ADAM8: variants seen among roughly 807,000 people sequenced by gnomAD.
The protein encoded by ADAM8 is ADAM metallopeptidase domain 8, also known as disintegrin and metalloproteinase domain-containing protein 8.
In ADAM8, 104 loss-of-function variants were observed where a neutral mutation model predicts 102.4. That is an observed-to-expected ratio of 1.02 (90% confidence interval 0.87 to 1.20). The LOEUF is 1.20. Ranked by LOEUF, ADAM8 falls within the 50% of genes most tolerant of loss-of-function variation. The probability of loss-of-function intolerance (pLI) is 0.00; values close to 1 mark genes in which losing one functional copy is unlikely to be tolerated. For synonymous variants in ADAM8, 517 were observed against 485.2 expected, an observed-to-expected ratio of 1.07 and a Z score of -0.86; for missense variants, 1,132 against 1,159.0, an observed-to-expected ratio of 0.98 and a Z score of 0.34.
Position 133,263,682 on chromosome 10 carries a change from CCT to C in ADAM8, c.2397+4_2397+5del, listed in dbSNP as rs769614277. 1.9e-4 allele frequency: 228 copies of C among 1,224,750 alleles called. No individual in the cohort carries two copies. The highest frequency in any genetic ancestry group is 2.1e-4 in the Non-Finnish European group (202 of 957,832). The allele number at this position is 1,224,750 out of a possible 1,614,324, so 75.9% of individuals were successfully genotyped here. Reference sequence around the variant, plus strand: ...GGACTCTGCCTGGTGTGTGCTGGGGCCTCACCTCAGCTGGACCAGGGTTGGCC... The same window carrying C: ...GGACTCTGCCTGGTGTGTGCTGGGGCCACCTCAGCTGGACCAGGGTTGGCC... On this transcript the variant is annotated splice_donor_5th_base_variant and intron_variant, in intron 22 of 22. Transcript: ENST00000445355.
chr10:133,276,496 T>C (rs1207351262), intron 1 of ADAM8, among the ~76,000 whole-genome samples: 2 of 152,190 alleles, frequency 1.3e-5, no homozygotes, highest in African/African-American at 2.4e-5. Context: ...GCGTCCTGCT[T>C]GGCCCGGCCC....
intron 1 of ADAM8, among the ~76,000 whole-genome samples, chr10:133,276,245 C>T (rs1246321595): frequency 6.6e-6 from 1 of 152,176 alleles, no homozygotes; most frequent in Non-Finnish European, 1.5e-5. Flanking sequence ...GGAAGCAACC[C>T]GGCCTCCAGC....
chr10:133,272,674 G>C (rs988066947), intron 8 of ADAM8, 89 bp from the exon 9 acceptor site: 5 of 1,534,712 alleles, frequency 3.3e-6, no homozygotes, highest in Non-Finnish European at 4.4e-6. Flanking sequence ...CCTGTCCCAC[G>C]GCGAGGTGGG....
chr10:133,264,165 G>A (rs1310930318), intron 21 of ADAM8, among the ~76,000 whole-genome samples: 8 of 148,908 alleles, frequency 5.4e-5, no homozygotes, highest in East Asian at 2.0e-4. Flanking sequence ...GGGTTCAAGC[G>A]ATCCTCCCGC....
chr10:133,273,604 C>A, intron 5 of ADAM8, 158 bp downstream of exon 5: 1 of 1,265,894 alleles, frequency 7.9e-7, no homozygotes, highest in South Asian at 1.5e-5. Flanking sequence ...GGGTGAGCCT[C>A]TTGGGCTTGG....
At chr10:133,273,540 C>A in intron 5 of ADAM8, 97 bp from the exon 6 acceptor site, 1 of 1,390,800 alleles carries the variant, frequency 7.2e-7, no homozygotes, top group Non-Finnish European at 9.6e-7. Context: ...ACAGCTCCCC[C>A]TACCCTGCCA....
Position 133,272,256 on chromosome 10 carries a change from C to G in ADAM8, c.894G>C (p.Gly298=), listed in dbSNP as rs149032810. 1.0e-5 allele frequency: 16 copies of G among 1,539,194 alleles called. No homozygotes were observed. The highest frequency in any genetic ancestry group is 4.9e-5 in the East Asian group (2 of 40,658). ...ACACCCTGGCAAACCCCACGGTAGT[C>G]CCGGTGAAGTCGACACCCCTGGAAG... ...VQLITGVDFT[G]TTVGFARVSA... The change falls in exon 10 of 23, where the codon GGG becomes GGC. Residue 298 remains glycine, a synonymous_variant. Coordinates refer to ENST00000445355, the MANE Select transcript of ADAM8 (RefSeq NM_001109.5).
At chr10:133,263,652 A>T in intron 22 of ADAM8, 36 bp downstream of exon 22, 1 of 204,696 alleles carries the variant, frequency 4.9e-6, no homozygotes, top group Non-Finnish European at 6.5e-6. Context: ...CGTCCATTGC[A>T]CAGTGGACTC....
At position 133,262,824 on chromosome 10, in the gene ADAM8, G is replaced by A; in HGVS notation, c.*332C>T. ...GAGCAGGGGCAGGTGTGGCTGGGAG[G>A]GGCTGTATATGTGGCCTCCTGAACA... On this transcript the variant is annotated 3_prime_UTR_variant, in exon 23 of 23. Coordinates refer to ENST00000445355, the MANE Select transcript of ADAM8 (RefSeq NM_001109.5). 1 of 312,844 alleles carries A rather than the reference G, an allele frequency of 3.2e-6. No homozygotes were observed. The highest frequency in any genetic ancestry group is 6.0e-6 in the Non-Finnish European group (1 of 165,934). 19.4% of individuals were successfully genotyped at this position (312,844 alleles called of 1,614,324 possible).
chr10:133,273,338 C>A lies in ADAM8; in HGVS notation c.489G>T (p.Thr163=), dbSNP rs368709574. 130 of 1,573,086 alleles carry A rather than the reference C, an allele frequency of 8.3e-5. 1 individual carries two copies. In the African/African-American group the frequency reaches 1.4e-3, roughly 17 times the overall value. ...AVYQAEHLLQ[T]AGTCGVSDDS... is the part of the protein sequence containing the mutation. ...CGTCGCTGACCCCGCAGGTCCCGGC[C>A]GTCTGCAGCAGGTGCTCAGCCTGGT... is the stretch of plus-strand genomic sequence containing the variant. Residue 163 remains threonine, a synonymous_variant, in exon 6 of 23, where the codon ACG becomes ACT. Coordinates refer to ENST00000445355, the MANE Select transcript of ADAM8 (RefSeq NM_001109.5).
chr10:133,264,522 G>A (rs1416215991), intron 21 of ADAM8, among the ~76,000 whole-genome samples: 3 of 152,236 alleles, frequency 2.0e-5, no homozygotes, highest in South Asian at 2.1e-4. Context: ...TGTGTCACAC[G>A]GAGCCTGGGT....
At chr10:133,269,280 C>G (rs1402716464) in intron 18 of ADAM8, 165 bp downstream of exon 18, 3 of 874,404 alleles carry the variant, frequency 3.4e-6, no homozygotes, top group African/African-American at 3.6e-5. Context: ...TCACATCAGC[C>G]TGGGGACAGA....
At chr10:133,272,746 C>CG (rs963129612) in intron 8 of ADAM8, 52 bp downstream of exon 8, 8 of 1,562,900 alleles carry the variant, frequency 5.1e-6, no homozygotes, top group Non-Finnish European at 7.0e-6. Flanking sequence ...CAACACCCCC[C>CG]CCACCTCCCG....
Position 133,271,215 on chromosome 10 carries a change from G to A in ADAM8, c.1359C>T (p.Cys453=). The part of the protein sequence containing the change: ...AEGAQCAHGT[C]CQECKVKPAG... The stretch of plus-strand genomic sequence containing the variant: ...CTGCACTCACCTTGCACTCCTGGCA[G>A]CAGGTACCGTGCGCACACTGGGCCC... The change falls in exon 13 of 23, where the codon TGC becomes TGT. Residue 453 remains cysteine (C), a synonymous_variant. Coordinates refer to ENST00000445355, the MANE Select transcript of ADAM8 (RefSeq NM_001109.5). 6.2e-7 allele frequency: 1 copy of A among 1,611,712 alleles called. No individual in the cohort carries two copies. The highest frequency in any genetic ancestry group is 8.5e-7 in the Non-Finnish European group (1 of 1,179,578).
intron 19 of ADAM8, 124 bp downstream of exon 19, chr10:133,268,624 C>T (rs1053731207): frequency 2.8e-5 from 31 of 1,099,344 alleles, no homozygotes; most frequent in South Asian, 1.2e-4. Flanking sequence ...GTCATGACGT[C>T]GGGGCACAGA....
chr10:133,269,843 C>A, intron 17 of ADAM8, 54 bp downstream of exon 17: 1 of 1,576,116 alleles, frequency 6.3e-7, no homozygotes. Flanking sequence ...AGCACCGGCT[C>A]CCTCAGAGCG....
At position 133,272,980 on chromosome 10, in the gene ADAM8, A is replaced by G; in HGVS notation, c.613T>C (p.Tyr205His). Reference protein sequence around the residue: ...PSRETRYVELYVVVDNAEFQM... With the variant: ...PSRETRYVELHVVVDNAEFQM... ...ACCTCTGCATTGTCCACGACCACAT[A>G]CAGCTCCACGTAGCGGGTCTCTCGG... Residue 205 changes from tyrosine to histidine, a missense_variant, in exon 7 of 23, where the codon TAT (tyrosine) becomes CAT (histidine). Coordinates refer to ENST00000445355, the MANE Select transcript of ADAM8 (RefSeq NM_001109.5). The G allele has an allele frequency of 6.2e-7, 1 of 1,612,842 alleles. No individual in the cohort carries two copies. The highest frequency in any genetic ancestry group is 1.7e-5 in the Admixed American group (1 of 60,016).
At chr10:133,275,697 G>A (rs950789353) in intron 1 of ADAM8, 110 bp from the exon 2 acceptor site, 2 of 594,940 alleles carry the variant, frequency 3.4e-6, no homozygotes, top group Non-Finnish European at 5.6e-6. Flanking sequence ...CCTCCCCTGG[G>A]GAACTCACCA....
In ADAM8 at chr10:133,263,168, G is replaced by C; in HGVS notation, c.2463C>G (p.Pro821=). ...CGCAGGTGCCCCCCTAGGGTGCTGT[G>C]GGAGCTCCGGCTCCTTGCTTCCTCT... ...PIQRKQGAGA[P]TAP is the part of the protein sequence containing the mutation. The change falls in exon 23 of 23, where the codon CCC becomes CCG. Residue 821 remains proline, a synonymous_variant. Coordinates refer to ENST00000445355, the MANE Select transcript of ADAM8 (RefSeq NM_001109.5). The C allele has an allele frequency of 6.2e-7, 1 of 1,613,946 alleles. No individual in the cohort carries two copies. The highest frequency in any genetic ancestry group is 8.5e-7 in the Non-Finnish European group (1 of 1,179,866).
Sources: gnomAD v4.1 joint callset for allele counts (sites outside exome capture counted in the v4.1 genomes callset) on GRCh38, gnomAD v4.1.1 for gene constraint, MANE v1.5 for transcripts, NCBI Gene and HGNC (gene_info 2026-07-23, HGNC 2026-07-21) for gene names.